The following SLA2 variants were observed in gnomAD, a reference collection of about 807,000 sequenced individuals.
The protein encoded by SLA2 is Src like adaptor 2.
Under a neutral mutation model 27.3 loss-of-function variants are expected in SLA2, and 22 were observed. That is an observed-to-expected ratio of 0.81 (90% CI 0.58 to 1.15). The LOEUF is 1.15. SLA2 is among the 50% of genes most tolerant of loss of function. SLA2 has a pLI of 0.00. For synonymous variants in SLA2, 131 were observed against 137.8 expected, an observed-to-expected ratio of 0.95 and a Z score of 0.34; for missense variants, 304 against 322.2, an observed-to-expected ratio of 0.94 and a Z score of 0.43.
chr20:36,632,540 TC>T, intron 5 of SLA2, 54 bp downstream of exon 5: 1 of 1,386,278 alleles, frequency 7.2e-7, no homozygotes, highest in East Asian at 2.3e-5. Flanking sequence ...ATCTGTGGGC[TC>T]CTTTCTGAGA....
intron 5 of SLA2, among the ~76,000 whole-genome samples, chr20:36,630,958 A>C (rs2039387965): frequency 6.6e-6 from 1 of 152,178 alleles, no homozygotes; most frequent in Admixed American, 6.5e-5. Flanking sequence ...GTGGGTTTCT[A>C]GCTCTGACTG....
At chr20:36,618,031 C>T (rs2039234886) in intron 5 of SLA2, among the ~76,000 whole-genome samples, 1 of 150,990 alleles carries the variant, frequency 6.6e-6, no homozygotes, top group African/African-American at 2.4e-5. Context: ...CCTGTAGTCC[C>T]AGCTACTCGG....
intron 5 of SLA2, chr20:36,621,314 A>G (rs2039279654): frequency 3.3e-6 from 2 of 613,768 alleles, no homozygotes; most frequent in Non-Finnish European, 6.2e-6. Context: ...CAATCAAATT[A>G]TGGACCTATG....
Position 36,640,907 on chromosome 20 carries a change from G to A in SLA2, c.91+338C>T, listed in dbSNP as rs751890603. ...CTCTGGGGGCTGGGGAGGTGGGGCT[G>A]GCCAGCTCGGTGTTTGGATAAACAA... On this transcript the variant is annotated intron_variant, in intron 2 of 7. Transcript: ENST00000262866. 3.4e-4 allele frequency among the ~76,000 whole-genome samples: 51 copies of A among 152,196 alleles called. 1 individual carries two copies. The highest frequency in any genetic ancestry group is 5.9e-5 in the Non-Finnish European group (4 of 68,042).
chr20:36,634,284 C>T (rs2039421525), intron 3 of SLA2, among the ~76,000 whole-genome samples: 1 of 151,978 alleles, frequency 6.6e-6, no homozygotes, highest in African/African-American at 2.4e-5. Context: ...CCACGCCTGG[C>T]CCATTCATTT....
intron 2 of SLA2, among the ~76,000 whole-genome samples, chr20:36,638,984 T>G (rs2039479916): frequency 6.6e-6 from 1 of 152,114 alleles, no homozygotes; most frequent in Non-Finnish European, 1.5e-5. Flanking sequence ...GTAGCTGAGA[T>G]TACAGGCGTG....
At chr20:36,636,907 C>T (rs1254441009) in intron 2 of SLA2, among the ~76,000 whole-genome samples, 1 of 151,750 alleles carries the variant, frequency 6.6e-6, no homozygotes, top group Admixed American at 6.6e-5. Context: ...GCCAAGATGG[C>T]GCCATTGCAC....
intron 2 of SLA2, among the ~76,000 whole-genome samples, chr20:36,636,148 T>G (rs558590024): frequency 0.013 from 1,895 of 149,948 alleles, 68 homozygotes; most frequent in African/African-American, 0.045. Context: ...CCGGGCGCGG[T>G]GGCTCACGCC....
intron 5 of SLA2, among the ~76,000 whole-genome samples, chr20:36,616,321 A>T (rs937933755): frequency 5.2e-4 from 69 of 133,804 alleles, no homozygotes; most frequent in Middle Eastern, 3.8e-3. Flanking sequence ...TTTTTTTTTT[A>T]TTTTAATTTT....
At chr20:36,626,884 A>G (rs577901935) in intron 5 of SLA2, among the ~76,000 whole-genome samples, 1 of 152,084 alleles carries the variant, frequency 6.6e-6, no homozygotes, top group African/African-American at 2.4e-5. Flanking sequence ...AGATAAACCT[A>G]TTATAGCTAC....
In SLA2 at chr20:36,618,947, C is replaced by A. The variant is rs6093154; in HGVS notation, c.383-3573G>T. Among the ~76,000 whole-genome samples the A allele has an allele frequency of 2.1e-3, 301 of 142,652 alleles. 1 individual carries two copies. The highest frequency in any genetic ancestry group is 7.2e-3 in the African/African-American group (275 of 38,382). The allele number at this position is 142,652 out of a possible 152,430, so 93.6% of individuals were successfully genotyped here. Reference sequence around the variant, plus strand: ...AAAAAAAAAAAAAGTATCTAGAAGCCAGGTTTGGTGGCTCACGCCTGTAAT... The same window carrying A: ...AAAAAAAAAAAAAGTATCTAGAAGCAAGGTTTGGTGGCTCACGCCTGTAAT... On this transcript the variant is annotated intron_variant, in intron 5 of 7. Coordinates refer to ENST00000262866, the MANE Select transcript of SLA2 (RefSeq NM_032214.4).
intron 2 of SLA2, among the ~76,000 whole-genome samples, chr20:36,636,623 A>ATATATATATAT (rs1555793206): frequency 8.7e-6 from 1 of 114,712 alleles, no homozygotes; most frequent in Non-Finnish European, 1.6e-5. Flanking sequence ...AAAAAAAAAA[A>ATATATATATAT]ATATATATAT....
intron 5 of SLA2, among the ~76,000 whole-genome samples, chr20:36,623,131 T>G (rs2147982924): frequency 6.6e-6 from 1 of 152,212 alleles, no homozygotes; most frequent in African/African-American, 2.4e-5. Flanking sequence ...TAGCTGGGCA[T>G]GATGGCGTGT....
Position 36,614,405 on chromosome 20 carries a change from C to T in SLA2, c.565G>A (p.Glu189Lys). The stretch of plus-strand genomic sequence containing the variant: ...CCAGCCCTCTGCAGGACACAGGGCT[C>T]CTTGAGTAGGCAGCAGATGTCATCC... Reference protein sequence around the residue: ...LADDICCLLKEPCVLQRAGPL... With the variant: ...LADDICCLLKKPCVLQRAGPL... The change falls in exon 7 of 8, where the codon GAG (glutamate) becomes AAG (lysine). Residue 189 changes from glutamate to lysine, a missense_variant. Transcript: ENST00000262866. 1.2e-6 allele frequency: 2 copies of T among 1,612,678 alleles called. No homozygotes were observed. Among genetic ancestry groups the T allele is most frequent in the East Asian group, 4.5e-5 (2 of 44,870 alleles).
At position 36,613,290 on chromosome 20, in the gene SLA2, CTT is replaced by C. The variant is rs1025390161; in HGVS notation, c.*574_*575del. 6.6e-6 allele frequency: 1 copy of C among 152,436 alleles called. No homozygotes were observed. The highest frequency in any genetic ancestry group is 2.4e-5 in the African/African-American group (1 of 41,454). The allele number at this position is 152,436 out of a possible 1,614,324, so 9.4% of individuals were successfully genotyped here. On this transcript the variant is annotated 3_prime_UTR_variant, in exon 8 of 8. Transcript: ENST00000262866. ...TTTGAGGACCTAGACTGTCCGAAGT[CTT>C]TCTCTTTGCTCTGGAGGTCACATAG... is the stretch of plus-strand genomic sequence containing the variant.
intron 2 of SLA2, among the ~76,000 whole-genome samples, chr20:36,637,190 TGTA>T (rs2039459666): frequency 1.3e-5 from 2 of 148,878 alleles, no homozygotes; most frequent in South Asian, 2.1e-4. Context: ...TGCGCGTGTG[TGTA>T]TTTTTTTTTT....
At position 36,632,616 on chromosome 20, in the gene SLA2, G is replaced by C; in HGVS notation, c.361C>G (p.Arg121Gly). Residue 121 changes from arginine to glycine, a missense_variant, in exon 5 of 8, where the codon CGG becomes GGG. Coordinates refer to ENST00000262866, the MANE Select transcript of SLA2 (RefSeq NM_032214.4). ...TCACCTCTCCTGGTCTGGCTCTCCC[G>C]GATGAGGAAGGCCCCTCCAGGGTTC... ...PGNPGGAFLIRESQTRRGSYS... is the reference protein window; with the variant it reads ...PGNPGGAFLIGESQTRRGSYS... 1 of 1,614,142 alleles carries C rather than the reference G, an allele frequency of 6.2e-7. No homozygotes were observed. Among genetic ancestry groups the C allele is most frequent in the Non-Finnish European group, 8.5e-7 (1 of 1,179,998 alleles).
rs146421668 is a variant in SLA2 at position 36,645,215 on chromosome 20, G to T, written c.-44+622C>A. Among the ~76,000 whole-genome samples, 608 of 113,506 alleles carry T rather than the reference G, an allele frequency of 5.4e-3. 5 individuals are homozygous for T. Among genetic ancestry groups the T allele is most frequent in the African/African-American group, 0.019 (577 of 29,728 alleles). 74.5% of individuals were successfully genotyped at this position (113,506 alleles called of 152,430 possible). A position where few individuals can be genotyped will look rare whatever the true frequency, so the allele number is the denominator to read the frequency against. ...CCTGCCATCTCTACAAAAATATAAC[G>T]AATTAGCTGGGCATGGTGGTACATG... is the stretch of plus-strand genomic sequence containing the variant. On this transcript the variant is annotated intron_variant, in intron 1 of 7. Transcript: ENST00000262866.
At position 36,614,306 on chromosome 20, in the gene SLA2, T is replaced by C. The variant is rs147433804; in HGVS notation, c.664A>G (p.Ser222Gly). 7 of 1,614,074 alleles carry C rather than the reference T, an allele frequency of 4.3e-6. No individual in the cohort carries two copies. The African/African-American group carries it at 5.3e-5, about 12-fold the overall frequency. The part of the protein sequence containing the change: ...RTPLNWKELD[S>G]SLLFSEAATG... Reference sequence around the variant, plus strand: ...GTTTCCAGGAGTCCCCAACTTTACCTGTCCAGCTCTTTCCAGTTGAGTGGT... The same window carrying C: ...GTTTCCAGGAGTCCCCAACTTTACCCGTCCAGCTCTTTCCAGTTGAGTGGT... The change falls in exon 7 of 8, where the codon AGC (serine) becomes GGC (glycine). Residue 222 changes from serine (S) to glycine (G), a missense_variant and splice_region_variant. Coordinates refer to ENST00000262866, the MANE Select transcript of SLA2 (RefSeq NM_032214.4).
Sources: allele counts gnomAD v4.1 joint callset (sites outside exome capture counted in the v4.1 genomes callset), GRCh38; gene constraint gnomAD v4.1.1; transcripts MANE v1.5; gene names NCBI Gene and HGNC (gene_info 2026-07-23, HGNC 2026-07-21).